MGST1: variants seen among roughly 807,000 people sequenced by gnomAD.
MGST1 encodes the protein microsomal glutathione S-transferase 1, also known as glutathione S-transferase 12.
In MGST1, 5 loss-of-function variants were observed where a neutral mutation model predicts 8.9. That is an observed-to-expected ratio of 0.56 (90% CI 0.29 to 1.19). The LOEUF is 1.19. Among genes scored for constraint, MGST1 ranks in the 50% most tolerant of loss-of-function variants. The pLI is 0.08. For synonymous variants in MGST1, 54 were observed against 67.8 expected (o/e 0.80, Z 1.00); for missense variants, 182 against 187.4 (o/e 0.97, Z 0.17).
rs1019889589 is a variant in MGST1, at chr12:16,576,158, G to A, written n.483-13370G>A. ...ACCAGCCTGCCCTGCCCTGCTGTCC[G>A]CCTTCCACTCTGCAGCCGGTAGCCT... On this transcript the variant is annotated intron_variant and non_coding_transcript_variant, in intron 4 of 4. Transcript: ENST00000538857. This position sits in a 1 kb window ranked among gnomAD's most constrained non-coding sequence, Gnocchi z 4.1. Among the ~76,000 whole-genome samples, 2 of 152,010 alleles carry A rather than the reference G, an allele frequency of 1.3e-5. No homozygotes were observed. Among genetic ancestry groups the A allele is most frequent in the African/African-American group, 2.4e-5 (1 of 41,378 alleles).
intron 4 of MGST1, among the ~76,000 whole-genome samples, chr12:16,491,137 T>G: frequency 6.6e-6 from 1 of 152,332 alleles, no homozygotes; most frequent in South Asian, 2.1e-4. Context: ...ATAATTATTT[T>G]GAAAGGCAGC....
At chr12:16,512,614 GAAAATATGAAATCTTTA>G (rs1941584116) in intron 4 of MGST1, among the ~76,000 whole-genome samples, 1 of 152,064 alleles carries the variant, frequency 6.6e-6, no homozygotes, top group Non-Finnish European at 1.5e-5. Flanking sequence ...ATAAATACCT[GAAAATATGAAATCTTTA>G]TATAGACATC....
chr12:16,584,782 T>G lies in MGST1; in HGVS notation n.483-4746T>G, dbSNP rs935754871. 3.3e-5 allele frequency among the ~76,000 whole-genome samples: 5 copies of G among 152,176 alleles called. No individual in the cohort carries two copies. The highest frequency in any genetic ancestry group is 1.2e-4 in the African/African-American group (5 of 41,438). On this transcript the variant is annotated intron_variant and non_coding_transcript_variant, in intron 4 of 4. Coordinates refer to the MGST1 transcript ENST00000538857. The surrounding 1 kb of genome is among the most constrained non-coding windows in gnomAD (Gnocchi z 5.2). ...ACAAAGCAGTGCCAAGACTCCTTGT[T>G]AGGCTGAAAGCTCCCAGGAGATTTC...
At position 16,559,203 on chromosome 12, in the gene MGST1, A is replaced by G. The variant is rs1434790177; in HGVS notation, n.483-30325A>G. On this transcript the variant is annotated intron_variant and non_coding_transcript_variant, in intron 4 of 4. Coordinates refer to the MGST1 transcript ENST00000538857. The surrounding 1 kb of genome is among the most constrained non-coding windows in gnomAD (Gnocchi z 4.1). ...AGTGAATTCATTTTCATTAAAATCT[A>G]TCAAGTGTTCTAATTTTTGAAATGT... Among the ~76,000 whole-genome samples the G allele has an allele frequency of 2.6e-5, 4 of 152,334 alleles. No homozygotes were observed. The highest frequency in any genetic ancestry group is 4.8e-5 in the African/African-American group (2 of 41,596).
At chr12:16,439,504 G>A (rs1295962507), downstream of MGST1, among the ~76,000 whole-genome samples, 2 of 151,660 alleles carry the variant, frequency 1.3e-5, no homozygotes. Context: ...GTTCTTTCTT[G>A]ATTCACCATA....
downstream of MGST1, among the ~76,000 whole-genome samples, chr12:16,590,624 T>C (rs113683116): frequency 5.3e-5 from 8 of 152,112 alleles, 1 homozygote; most frequent in African/African-American, 1.9e-4. Flanking sequence ...ATCGGTATCA[T>C]TGTGATCAGG....
intron 4 of MGST1, among the ~76,000 whole-genome samples, chr12:16,538,328 A>T (rs558039572): frequency 1.3e-5 from 2 of 152,094 alleles, no homozygotes; most frequent in Admixed American, 6.5e-5. Flanking sequence ...CCATTCAACA[A>T]GTCTCTAGGA....
rs1393942305 is a variant in MGST1, at chr12:16,537,371, T to C, written n.483-52157T>C. Reference sequence around the variant, plus strand: ...GCTGCTTTCATGGGCTGGTTTTGAGTATCTGTGGCTTTTCCAGTAGCATGG... The same window carrying C: ...GCTGCTTTCATGGGCTGGTTTTGAGCATCTGTGGCTTTTCCAGTAGCATGG... On this transcript the variant is annotated intron_variant and non_coding_transcript_variant, in intron 4 of 4. Transcript: ENST00000538857. The surrounding 1 kb of genome is among the most constrained non-coding windows in gnomAD (Gnocchi z 4.6). 2.6e-5 allele frequency among the ~76,000 whole-genome samples: 4 copies of C among 152,176 alleles called. No individual in the cohort carries two copies. In the East Asian group the frequency reaches 5.8e-4, roughly 22 times the overall value.
intron 4 of MGST1, among the ~76,000 whole-genome samples, chr12:16,536,732 A>C (rs1041655568): frequency 3.3e-5 from 5 of 152,160 alleles, no homozygotes; most frequent in African/African-American, 7.2e-5. Flanking sequence ...CAAAAGCAGA[A>C]ACCCCAATAA....
intron 4 of MGST1, among the ~76,000 whole-genome samples, chr12:16,461,774 T>C (rs1226710003): frequency 6.6e-6 from 1 of 152,148 alleles, no homozygotes; most frequent in Non-Finnish European, 1.5e-5. Context: ...CCAGAACAAC[T>C]ACACCAAAAC....
At chr12:16,446,138 A>G (rs1941077949) in intron 4 of MGST1, among the ~76,000 whole-genome samples, 1 of 151,884 alleles carries the variant, frequency 6.6e-6, no homozygotes, top group Non-Finnish European at 1.5e-5. Flanking sequence ...ACTCCACTCT[A>G]ACTTTGACAT....
chr12:16,512,225 T>G (rs540893395), intron 4 of MGST1, among the ~76,000 whole-genome samples: 1 of 151,266 alleles, frequency 6.6e-6, no homozygotes, highest in Non-Finnish European at 1.5e-5. Context: ...GGGTGAAGGA[T>G]GTGGGTATGG....
Position 16,387,074 on chromosome 12 carries a change from C to A in MGST1, n.778+3470C>A, listed in dbSNP as rs150035864. On this transcript the variant is annotated intron_variant and non_coding_transcript_variant, in intron 1 of 1. Transcript: ENST00000359720. ...TTTTATTATTAGTTACTAGTTATTG[C>A]TGTTAAATCTTTTACTGTGCCTAAT... is the stretch of plus-strand genomic sequence containing the variant. 2.2e-3 allele frequency among the ~76,000 whole-genome samples: 330 copies of A among 152,212 alleles called. 2 individuals carry two copies. Among genetic ancestry groups the A allele is most frequent in the African/African-American group, 7.2e-3 (298 of 41,534 alleles).
intron 4 of MGST1, among the ~76,000 whole-genome samples, chr12:16,556,848 A>G (rs1942210618): frequency 6.6e-6 from 1 of 152,224 alleles, no homozygotes; most frequent in South Asian, 2.1e-4. Context: ...GTGACAAGAC[A>G]ATAACTAAGT....
At chr12:16,502,818 G>T (rs1565465751) in intron 4 of MGST1, among the ~76,000 whole-genome samples, 1 of 152,170 alleles carries the variant, frequency 6.6e-6, no homozygotes, top group Non-Finnish European at 1.5e-5. Flanking sequence ...AACTTGGAAA[G>T]AATTTAAGGC....
intron 4 of MGST1, among the ~76,000 whole-genome samples, chr12:16,577,525 C>T (rs975645728): frequency 1.2e-4 from 19 of 152,012 alleles, no homozygotes; most frequent in South Asian, 4.2e-4. Context: ...TATTGAGTAC[C>T]TATTATCAGC....
At chr12:16,370,138 A>G (rs1278922939) in intron 3 of MGST1, 1 of 152,234 alleles carries the variant, frequency 6.6e-6, no homozygotes, top group Non-Finnish European at 1.5e-5. Context: ...CTAATGTGTC[A>G]TAATTTTATC....
In MGST1 at chr12:16,369,689, A is replaced by G. The variant is rs761220499; in HGVS notation, c.222-6433A>G. On this transcript the variant is annotated intron_variant, in intron 3 of 3. Transcript: ENST00000535309. The surrounding 1 kb of genome is among the most constrained non-coding windows in gnomAD (Gnocchi z 4.8). ...CAGAGTGGCGTAGTTGAATTGTTGC[A>G]GTGGAGACCACACGGCTCACAAAAC... 3 of 152,186 alleles carry G rather than the reference A, an allele frequency of 2.0e-5. No individual in the cohort carries two copies. Among genetic ancestry groups the G allele is most frequent in the Non-Finnish European group, 4.4e-5 (3 of 68,026 alleles). 9.4% of individuals were successfully genotyped at this position (152,186 alleles called of 1,614,324 possible). A position where few individuals can be genotyped will look rare whatever the true frequency, so the allele number is the denominator to read the frequency against.
At chr12:16,416,790 C>T (rs1300009080) in intron 1 of MGST1, among the ~76,000 whole-genome samples, 1 of 152,140 alleles carries the variant, frequency 6.6e-6, no homozygotes, top group Non-Finnish European at 1.5e-5. Context: ...TGGAGAGAAG[C>T]ATTGAGAAAG....
Sources: gnomAD v4.1 joint callset for allele counts (sites outside exome capture counted in the v4.1 genomes callset) on GRCh38, gnomAD v4.1.1 for gene constraint, Gnocchi (gnomAD v3.1) non-coding constraint, MANE v1.5 for transcripts, NCBI Gene and HGNC (gene_info 2026-07-23, HGNC 2026-07-21) for gene names.